The following CTNNA3 variants were observed in gnomAD, a reference collection of about 807,000 sequenced individuals.
CTNNA3 encodes catenin alpha 3, also known as catenin alpha-3.
A neutral mutation model predicts 95.7 loss-of-function variants in CTNNA3; 76 were observed. That is an observed-to-expected ratio of 0.79 (90% CI 0.66 to 0.96). The LOEUF is 0.96. Ranked by LOEUF, CTNNA3 falls within the 40% of genes least tolerant of loss-of-function variation. The probability of loss-of-function intolerance (pLI) is 0.00; values close to 1 mark genes in which losing one functional copy is unlikely to be tolerated. For synonymous variants in CTNNA3, 431 were observed against 374.4 expected, an observed-to-expected ratio of 1.15 and a Z score of -1.74; for missense variants, 1,191 against 1,089.8, an observed-to-expected ratio of 1.09 and a Z score of -1.31.
intron 5 of CTNNA3, among the ~76,000 whole-genome samples, chr10:67,255,316 A>AG (rs1866300428): frequency 6.6e-6 from 1 of 151,694 alleles, no homozygotes; most frequent in Admixed American, 6.6e-5. Flanking sequence ...AAATAAATAA[A>AG]TAAATTAATT....
intron 3 of CTNNA3, among the ~76,000 whole-genome samples, chr10:67,581,128 T>A (rs180737552): frequency 3.3e-5 from 5 of 152,214 alleles, no homozygotes; most frequent in African/African-American, 9.6e-5. Context: ...GGTATCCCTG[T>A]CTTGTGCTCG....
intron 11 of CTNNA3, among the ~76,000 whole-genome samples, chr10:66,440,893 C>G (rs1322352075): frequency 6.6e-6 from 1 of 152,176 alleles, no homozygotes; most frequent in African/African-American, 2.4e-5. Flanking sequence ...ATGTCTGTTT[C>G]TCTAAGTAGA....
At chr10:66,572,246 G>T (rs1000459480) in intron 10 of CTNNA3, among the ~76,000 whole-genome samples, 1 of 151,524 alleles carries the variant, frequency 6.6e-6, no homozygotes, top group Non-Finnish European at 1.5e-5. Flanking sequence ...AGCTGGGTGT[G>T]GGGGCACGTG....
At chr10:65,989,033 C>T (rs1002069734) in intron 15 of CTNNA3, among the ~76,000 whole-genome samples, 4 of 152,076 alleles carry the variant, frequency 2.6e-5, no homozygotes, top group Admixed American at 1.3e-4. Flanking sequence ...CTCCGCTTCT[C>T]GGGTTCAAGC....
chr10:67,240,602 C>A (rs1028029958), intron 5 of CTNNA3, among the ~76,000 whole-genome samples: 1 of 152,080 alleles, frequency 6.6e-6, no homozygotes, highest in Non-Finnish European at 1.5e-5. Flanking sequence ...AGAAATAGGA[C>A]AGATTCAATA....
At chr10:67,358,278 T>A (rs1842884681) in intron 5 of CTNNA3, among the ~76,000 whole-genome samples, 1 of 152,072 alleles carries the variant, frequency 6.6e-6, no homozygotes, top group Admixed American at 6.6e-5. Flanking sequence ...CTGGACTTCA[T>A]CAACACTAAA....
At chr10:66,470,508 G>C (rs1459904271) in intron 11 of CTNNA3, among the ~76,000 whole-genome samples, 1 of 151,916 alleles carries the variant, frequency 6.6e-6, no homozygotes, top group Non-Finnish European at 1.5e-5. Context: ...TGGATAGTTG[G>C]AATCATCCAA....
At chr10:66,978,391 G>T (rs1315643301) in intron 7 of CTNNA3, among the ~76,000 whole-genome samples, 8 of 151,220 alleles carry the variant, frequency 5.3e-5, no homozygotes, top group Non-Finnish European at 4.4e-5. Context: ...GCTGGGCGTG[G>T]TGGTGGGCGC....
At chr10:67,184,294 T>C (rs936762386) in intron 6 of CTNNA3, among the ~76,000 whole-genome samples, 4 of 152,196 alleles carry the variant, frequency 2.6e-5, no homozygotes, top group African/African-American at 9.6e-5. Context: ...CTTCCAACTC[T>C]TGGTAGCCAT....
chr10:67,648,812 T>C, intron 1 of CTNNA3: 2 of 1,287,926 alleles, frequency 1.6e-6, no homozygotes, highest in Non-Finnish European at 2.0e-6. Context: ...TTCTCAGCGA[T>C]TCAGCTGCAA....
chr10:66,735,865 T>C (rs1436587413), intron 9 of CTNNA3, among the ~76,000 whole-genome samples: 1 of 152,214 alleles, frequency 6.6e-6, no homozygotes, highest in Non-Finnish European at 1.5e-5. Flanking sequence ...AGAGTTGCTT[T>C]AATAACATTT....
intron 7 of CTNNA3, among the ~76,000 whole-genome samples, chr10:66,825,191 T>A (rs1428033784): frequency 6.7e-6 from 1 of 148,432 alleles, no homozygotes; most frequent in African/African-American, 2.4e-5. Context: ...ATATATTTTT[T>A]AAAAATACAT....
At chr10:67,066,644 T>TA (rs5785816) in intron 7 of CTNNA3, among the ~76,000 whole-genome samples, 77,466 of 151,704 alleles carry the variant, frequency 0.51, 20,129 homozygotes, top group Middle Eastern at 0.64. Flanking sequence ...CACTAAATAA[T>TA]AAAAAATCCT....
chr10:66,968,959 G>A (rs1254544219), intron 7 of CTNNA3, among the ~76,000 whole-genome samples: 4 of 152,054 alleles, frequency 2.6e-5, no homozygotes, highest in Non-Finnish European at 4.4e-5. Flanking sequence ...GGAGGTTCCA[G>A]TGAGCTGAGA....
intron 7 of CTNNA3, among the ~76,000 whole-genome samples, chr10:66,796,236 G>T (rs942891233): frequency 1.3e-5 from 2 of 152,054 alleles, no homozygotes; most frequent in African/African-American, 4.8e-5. Context: ...TAAAGAAACA[G>T]ATGTTTTACT....
At position 67,253,966 on chromosome 10, in the gene CTNNA3, C is replaced by T. The variant is rs543073847; in HGVS notation, c.580-34096G>A. ...ATGTACTGTGTGTCCACTATATAAA[C>T]GGCAGTATTCTAGGTGCTTTCCCTT... is the stretch of plus-strand genomic sequence containing the variant. On this transcript the variant is annotated intron_variant, in intron 5 of 17. Coordinates refer to ENST00000433211, the MANE Select transcript of CTNNA3 (RefSeq NM_013266.4). 7.9e-5 allele frequency among the ~76,000 whole-genome samples: 12 copies of T among 152,170 alleles called. 1 individual carries two copies. The East Asian group carries it at 1.9e-3, about 25-fold the overall frequency.
intron 9 of CTNNA3, among the ~76,000 whole-genome samples, chr10:66,658,344 A>G (rs1307603731): frequency 6.6e-6 from 1 of 152,020 alleles, no homozygotes. Context: ...TCTTGTTTTT[A>G]TGAGACACTA....
intron 5 of CTNNA3, among the ~76,000 whole-genome samples, chr10:67,504,100 T>C (rs1839337226): frequency 6.9e-6 from 1 of 145,540 alleles, no homozygotes; most frequent in Non-Finnish European, 1.5e-5. Flanking sequence ...GAGCTTGCAG[T>C]GAGCCGAGAT....
intron 17 of CTNNA3, among the ~76,000 whole-genome samples, chr10:65,941,771 TA>T (rs2077433540): frequency 6.6e-6 from 1 of 152,200 alleles, no homozygotes; most frequent in South Asian, 2.1e-4. Flanking sequence ...TCTTGGAAGA[TA>T]TCTTCCACCT....
Sources: gnomAD v4.1 joint callset for allele counts (sites outside exome capture counted in the v4.1 genomes callset) on GRCh38, gnomAD v4.1.1 for gene constraint, MANE v1.5 for transcripts, NCBI Gene and HGNC (gene_info 2026-07-23, HGNC 2026-07-21) for gene names.